Variants in COL19A1 observed in about 807,000 individuals in gnomAD.
COL19A1 encodes collagen alpha-1(XIX) chain.
A neutral mutation model predicts 190.2 loss-of-function variants in COL19A1; 159 were observed. The observed-to-expected ratio is 0.84, with a 90% CI of 0.73 to 0.95. COL19A1 has a LOEUF of 0.95. COL19A1 is among the 40% of genes least tolerant of loss of function. The pLI, the probability that COL19A1 is intolerant of heterozygous loss-of-function variation, is 0.00. For synonymous variants in COL19A1, 509 were observed against 458.9 expected (o/e 1.11, Z -1.39); for missense variants, 1,418 against 1,431.9 (o/e 0.99, Z 0.16).
intron 12 of COL19A1, among the ~76,000 whole-genome samples, chr6:70,026,520 A>G (rs1175683997): frequency 1.3e-5 from 2 of 152,216 alleles, no homozygotes; most frequent in East Asian, 3.9e-4. Flanking sequence ...TCACTTGGTT[A>G]CTTAGTTAAT....
At position 70,163,369 on chromosome 6, in the gene COL19A1, T is replaced by C. The variant is rs762486603; in HGVS notation, c.2373T>C (p.Pro791=). 1 of 1,612,466 alleles carries C rather than the reference T, an allele frequency of 6.2e-7. No homozygotes were observed. Among genetic ancestry groups the C allele is most frequent in the Non-Finnish European group, 8.5e-7 (1 of 1,179,124 alleles). ...PPGLMGRTGH[P]GPTGAKGEKG... ...GCTTAATGGGAAGAACTGGACATCC[T>C]GGTCCCACAGGAGCAAAAGGTGAAA... The change falls in exon 36 of 51, where the codon CCT becomes CCC. Residue 791 remains proline, a synonymous_variant. Coordinates refer to ENST00000620364, the MANE Select transcript of COL19A1 (RefSeq NM_001858.6).
intron 14 of COL19A1, among the ~76,000 whole-genome samples, chr6:70,063,837 T>C (rs918766946): frequency 3.3e-5 from 5 of 152,112 alleles, no homozygotes; most frequent in African/African-American, 4.8e-5. Context: ...CATAAGAGAA[T>C]ACTATAAACA....
At chr6:69,952,553 T>C (rs562900846) in intron 9 of COL19A1, among the ~76,000 whole-genome samples, 4 of 152,024 alleles carry the variant, frequency 2.6e-5, no homozygotes, top group African/African-American at 9.6e-5. Flanking sequence ...AAGAAGTACA[T>C]CTGATAACAT....
At chr6:69,999,542 A>T (rs1332447527) in intron 11 of COL19A1, among the ~76,000 whole-genome samples, 3 of 151,928 alleles carry the variant, frequency 2.0e-5, no homozygotes, top group Non-Finnish European at 4.4e-5. Context: ...TCATAAAAAA[A>T]TTTTTTTTGA....
chr6:69,996,105 A>G (rs1776890024), intron 11 of COL19A1, among the ~76,000 whole-genome samples: 1 of 152,170 alleles, frequency 6.6e-6, no homozygotes, highest in Non-Finnish European at 1.5e-5. Flanking sequence ...TTTGAAAAGA[A>G]TCTAGGTGAA....
rs1004245584 is a variant in COL19A1, at chr6:70,211,150, TAC to T, written c.*3878_*3879del. 8.5e-5 allele frequency among the ~76,000 whole-genome samples: 13 copies of T among 152,192 alleles called. No individual in the cohort carries two copies. Among genetic ancestry groups the T allele is most frequent in the Admixed American group, 3.9e-4 (6 of 15,278 alleles). ...ATGTTGCTCAGTGTACTTAAAATTT[TAC>T]AGTTATATTTGTATAACGTTTATAT... is the stretch of plus-strand genomic sequence containing the variant. On this transcript the variant is annotated 3_prime_UTR_variant, in exon 51 of 51. Coordinates refer to ENST00000620364, the MANE Select transcript of COL19A1 (RefSeq NM_001858.6).
At chr6:70,173,818 A>C (rs766136861) in intron 41 of COL19A1, among the ~76,000 whole-genome samples, 1 of 152,214 alleles carries the variant, frequency 6.6e-6, no homozygotes, top group East Asian at 1.9e-4. Context: ...TTTATAAGAT[A>C]GATTTTGAAG....
chr6:69,928,128 G>A (rs2150010529), intron 5 of COL19A1, 96 bp downstream of exon 5: 2 of 1,478,236 alleles, frequency 1.4e-6, no homozygotes, highest in Non-Finnish European at 1.9e-6. Context: ...AGTAGATCTA[G>A]TATCCAAATG....
chr6:70,066,071 C>G (rs1310889845), intron 14 of COL19A1, among the ~76,000 whole-genome samples: 1 of 152,146 alleles, frequency 6.6e-6, no homozygotes, highest in Non-Finnish European at 1.5e-5. Flanking sequence ...ACTAGAAATA[C>G]CATTTGACCC....
intron 14 of COL19A1, among the ~76,000 whole-genome samples, chr6:70,061,781 A>G (rs1263777361): frequency 6.6e-6 from 1 of 152,150 alleles, no homozygotes; most frequent in Non-Finnish European, 1.5e-5. Context: ...ATGAAATTAT[A>G]ATAGTTTTCC....
chr6:69,924,928 G>C (rs548929290), intron 4 of COL19A1, among the ~76,000 whole-genome samples: 1 of 152,042 alleles, frequency 6.6e-6, no homozygotes. Context: ...CTTTTTGATG[G>C]GGTTGTTTGC....
At chr6:70,099,158 C>T (rs1005158566) in intron 15 of COL19A1, among the ~76,000 whole-genome samples, 5 of 151,582 alleles carry the variant, frequency 3.3e-5, no homozygotes, top group African/African-American at 9.7e-5. Flanking sequence ...CCACATTTCT[C>T]ATCCATCCAC....
intron 4 of COL19A1, among the ~76,000 whole-genome samples, chr6:69,903,969 G>A (rs897004319): frequency 3.9e-5 from 6 of 152,136 alleles, no homozygotes; most frequent in African/African-American, 4.8e-5. Context: ...ATATAGCCCC[G>A]CAGCAACACT....
chr6:70,028,782 A>AT (rs1009469201), intron 12 of COL19A1, among the ~76,000 whole-genome samples: 1 of 152,090 alleles, frequency 6.6e-6, no homozygotes, highest in Non-Finnish European at 1.5e-5. Context: ...TACCTCATGG[A>AT]TTTTTTTGTG....
intron 12 of COL19A1, among the ~76,000 whole-genome samples, chr6:70,033,384 A>T (rs1452420027): frequency 1.3e-5 from 2 of 152,086 alleles, no homozygotes; most frequent in Non-Finnish European, 2.9e-5. Flanking sequence ...GCTTCAGAAT[A>T]CTTCTTTCTT....
chr6:70,117,431 C>T (rs370964491), intron 16 of COL19A1, among the ~76,000 whole-genome samples: 4 of 152,136 alleles, frequency 2.6e-5, no homozygotes, highest in East Asian at 1.9e-4. Flanking sequence ...CTGACAAGTC[C>T]GGTGGCAGAC....
intron 15 of COL19A1, among the ~76,000 whole-genome samples, chr6:70,072,761 C>A (rs114655351): frequency 6.6e-6 from 1 of 152,022 alleles, no homozygotes; most frequent in African/African-American, 2.4e-5. Flanking sequence ...CTACCCCTGC[C>A]CCCGTCAAGA....
chr6:70,108,089 G>A (rs1198109153), intron 16 of COL19A1, among the ~76,000 whole-genome samples: 1 of 152,184 alleles, frequency 6.6e-6, no homozygotes, highest in Non-Finnish European at 1.5e-5. Flanking sequence ...AGAGAGGAAA[G>A]CAGCTGGAAA....
At chr6:70,125,022 T>C (rs1785107736) in intron 17 of COL19A1, among the ~76,000 whole-genome samples, 1 of 152,144 alleles carries the variant, frequency 6.6e-6, no homozygotes, top group Admixed American at 6.5e-5. Flanking sequence ...AAAAGCCAAA[T>C]GTGCTATGAT....
Sources: gnomAD v4.1 joint callset for allele counts (sites outside exome capture counted in the v4.1 genomes callset) on GRCh38, gnomAD v4.1.1 for gene constraint, MANE v1.5 for transcripts, NCBI Gene and HGNC (gene_info 2026-07-23, HGNC 2026-07-21) for gene names.